Variants in SYNPR observed in about 807,000 individuals in gnomAD.
SYNPR encodes synaptoporin.
Under a neutral mutation model 32.9 loss-of-function variants are expected in SYNPR, and 23 were observed. The ratio of observed to expected loss-of-function variants is 0.70; its 90% CI spans 0.50 to 0.99. The LOEUF is 0.99. SYNPR is among the 50% of genes least tolerant of loss of function. The pLI is 0.00. For synonymous variants in SYNPR, 146 were observed against 135.9 expected (o/e 1.07, Z -0.52); for missense variants, 318 against 349.3 (o/e 0.91, Z 0.71).
chr3:63,526,894 T>G (rs1163817459), intron 3 of SYNPR, among the ~76,000 whole-genome samples: 1 of 152,152 alleles, frequency 6.6e-6, no homozygotes. Flanking sequence ...AGAGCTCAGA[T>G]GGTGAGTGGG....
rs780981880 is a variant in SYNPR, at chr3:63,615,345, G to C, written c.722G>C (p.Ser241Thr). ...GATCCAATGGAGAAGCACTCCAGCAGCTATAATCAAGGTGGTTACAACCAA... is the reference window on the plus strand; with the variant it reads ...GATCCAATGGAGAAGCACTCCAGCACCTATAATCAAGGTGGTTACAACCAA... ...LSDPMEKHSS[S>T]YNQGGYNQDS... Residue 241 changes from serine to threonine, a missense_variant, in exon 6 of 6, where the codon AGC (serine) becomes ACC (threonine). Transcript: ENST00000478300. 2.9e-5 allele frequency: 46 copies of C among 1,613,798 alleles called. No individual in the cohort carries two copies. Among genetic ancestry groups the C allele is most frequent in the Non-Finnish European group, 8.5e-7 (1 of 1,179,870 alleles).
At chr3:63,307,742 A>G (rs1178100147) in intron 2 of SYNPR, among the ~76,000 whole-genome samples, 1 of 152,050 alleles carries the variant, frequency 6.6e-6, no homozygotes, top group Non-Finnish European at 1.5e-5. Context: ...ATTTTCATAT[A>G]TTAAGTTTTC....
chr3:63,437,231 T>C (rs578236644), intron 2 of SYNPR, among the ~76,000 whole-genome samples: 1 of 152,158 alleles, frequency 6.6e-6, no homozygotes, highest in Non-Finnish European at 1.5e-5. Context: ...TAAAACAGCA[T>C]GTAGTATTAT....
chr3:63,270,018 A>G (rs150151180), intron 3 of SYNPR, among the ~76,000 whole-genome samples: 233 of 152,324 alleles, frequency 1.5e-3, no homozygotes, highest in African/African-American at 5.4e-3. Context: ...AAACCAGAGG[A>G]TTATAAATGC....
At chr3:63,392,657 C>G (rs1019480940) in intron 2 of SYNPR, among the ~76,000 whole-genome samples, 12 of 152,148 alleles carry the variant, frequency 7.9e-5, no homozygotes, top group African/African-American at 2.7e-4. Context: ...GGTGGTTCAG[C>G]CTTAATATCC....
At chr3:63,488,739 T>C (rs960144406) in intron 3 of SYNPR, among the ~76,000 whole-genome samples, 5 of 152,174 alleles carry the variant, frequency 3.3e-5, no homozygotes, top group African/African-American at 1.2e-4. Flanking sequence ...GGCACCAGAA[T>C]TCAGCTGTAG....
chr3:63,465,548 AT>A (rs1387767317), intron 2 of SYNPR, among the ~76,000 whole-genome samples: 2 of 152,110 alleles, frequency 1.3e-5, no homozygotes, highest in Admixed American at 6.6e-5. Context: ...TTAATGAAAA[AT>A]TTCAAACATA....
At chr3:63,513,240 G>C (rs1051484122) in intron 3 of SYNPR, among the ~76,000 whole-genome samples, 3 of 145,298 alleles carry the variant, frequency 2.1e-5, no homozygotes, top group Admixed American at 1.4e-4. Context: ...TTATTGAGGT[G>C]AAATCTCACT....
At chr3:63,581,756 T>C (rs1400845564) in intron 4 of SYNPR, among the ~76,000 whole-genome samples, 4 of 152,080 alleles carry the variant, frequency 2.6e-5, no homozygotes, top group Admixed American at 2.0e-4. Flanking sequence ...GAAAGGTTTA[T>C]TAAAGTTTAC....
chr3:63,615,537 A>G lies in SYNPR; in HGVS notation c.*56A>G. ...CCTCACCATCTTCCATTTCAGTGGC[A>G]GAAGAATTTTTTAAGGGTTTCAATC... is the stretch of plus-strand genomic sequence containing the variant. On this transcript the variant is annotated 3_prime_UTR_variant, in exon 6 of 6. Coordinates refer to ENST00000478300, the MANE Select transcript of SYNPR (RefSeq NM_001130003.2). The G allele has an allele frequency of 6.4e-7, 1 of 1,567,744 alleles. No individual in the cohort carries two copies. Among genetic ancestry groups the G allele is most frequent in the African/African-American group, 1.4e-5 (1 of 73,118 alleles).
In SYNPR at chr3:63,278,688, G is replaced by A; in HGVS notation, c.30G>A (p.Ala10=). MDPVSQLAS[A]GTFRVLKEPL... is the part of the protein sequence containing the mutation. ...TCATTCCCCCAAAGCTGGCCTCTGC[G>A]GGCACCTTCCGGGTGCTGAAGGAGC... Residue 10 remains alanine (A), a synonymous_variant, in exon 2 of 6, where the codon GCG becomes GCA. Coordinates refer to ENST00000478300, the MANE Select transcript of SYNPR (RefSeq NM_001130003.2). 1.9e-6 allele frequency: 3 copies of A among 1,551,682 alleles called. No individual in the cohort carries two copies. The highest frequency in any genetic ancestry group is 2.6e-6 in the Non-Finnish European group (3 of 1,146,996).
intron 2 of SYNPR, among the ~76,000 whole-genome samples, chr3:63,353,265 A>G (rs1332361357): frequency 6.6e-6 from 1 of 152,240 alleles, no homozygotes; most frequent in Non-Finnish European, 1.5e-5. Context: ...AGAGTGTTAC[A>G]GGAATTCAGA....
chr3:63,504,782 A>C (rs569391690), intron 3 of SYNPR, among the ~76,000 whole-genome samples: 1 of 152,186 alleles, frequency 6.6e-6, no homozygotes, highest in Non-Finnish European at 1.5e-5. Flanking sequence ...ACTTTCAAAG[A>C]CTATCGAGGT....
intron 2 of SYNPR, among the ~76,000 whole-genome samples, chr3:63,306,762 T>A (rs999030012): frequency 2.0e-5 from 3 of 151,972 alleles, no homozygotes; most frequent in Non-Finnish European, 4.4e-5. Flanking sequence ...GTTTTGCACT[T>A]GGGAGGCAGG....
chr3:63,370,693 A>G (rs1316332144), intron 2 of SYNPR, among the ~76,000 whole-genome samples: 1 of 152,230 alleles, frequency 6.6e-6, no homozygotes, highest in Non-Finnish European at 1.5e-5. Context: ...GGGTTACAAA[A>G]TAATATCTTT....
At chr3:63,359,540 T>C (rs1009039902) in intron 2 of SYNPR, among the ~76,000 whole-genome samples, 5 of 152,226 alleles carry the variant, frequency 3.3e-5, no homozygotes, top group Admixed American at 1.3e-4. Flanking sequence ...CCCAGAGAGA[T>C]GCCCTTTTCC....
intron 2 of SYNPR, among the ~76,000 whole-genome samples, chr3:63,296,365 C>A (rs1328519056): frequency 1.3e-5 from 2 of 152,198 alleles, no homozygotes; most frequent in Non-Finnish European, 2.9e-5. Context: ...CCCACAGTCT[C>A]CAGCTTGTTC....
chr3:63,306,536 TAA>T (rs5849547), intron 2 of SYNPR, among the ~76,000 whole-genome samples: 6 of 148,986 alleles, frequency 4.0e-5, no homozygotes, highest in South Asian at 2.1e-4. Context: ...TACCAGTGAT[TAA>T]AAAAAAAAAC....
intron 2 of SYNPR, among the ~76,000 whole-genome samples, chr3:63,417,528 G>C (rs2088557657): frequency 6.6e-6 from 1 of 152,344 alleles, no homozygotes; most frequent in South Asian, 2.1e-4. Flanking sequence ...GACTCTGTGT[G>C]GGGGCTCCCA....
Sources: gnomAD v4.1 joint callset for allele counts (sites outside exome capture counted in the v4.1 genomes callset) on GRCh38, gnomAD v4.1.1 for gene constraint, MANE v1.5 for transcripts, NCBI Gene and HGNC (gene_info 2026-07-23, HGNC 2026-07-21) for gene names.